Variants in MSRA observed in about 807,000 individuals in gnomAD.
The protein encoded by MSRA is methionine sulfoxide reductase A, also known as mitochondrial peptide methionine sulfoxide reductase.
A neutral mutation model predicts 31.3 loss-of-function variants in MSRA; 54 were observed. The ratio of observed to expected loss-of-function variants is 1.73; its 90% CI spans 1.39 to 2.17. The LOEUF is 2.17. MSRA is among the 30% of genes most tolerant of loss of function. MSRA has a pLI of 0.00. For missense variants in MSRA, 507 were observed against 300.9 expected (o/e 1.69, Z -5.07); for synonymous variants, 169 against 116.5 (o/e 1.45, Z -2.90).
intron 5 of MSRA, among the ~76,000 whole-genome samples, chr8:10,397,934 C>T (rs1290080568): frequency 1.3e-5 from 2 of 152,192 alleles, no homozygotes; most frequent in Non-Finnish European, 2.9e-5. Flanking sequence ...GGCCCCTCTT[C>T]CCTCTCTTGT....
intron 3 of MSRA, among the ~76,000 whole-genome samples, chr8:10,255,211 C>T (rs1798113996): frequency 1.3e-5 from 2 of 152,194 alleles, no homozygotes; most frequent in Admixed American, 1.3e-4. Context: ...GAAGGCCTTC[C>T]ACACCTCGCT....
intron 1 of MSRA, among the ~76,000 whole-genome samples, chr8:10,073,980 G>C (rs530700733): frequency 2.4e-4 from 35 of 147,490 alleles, no homozygotes; most frequent in African/African-American, 8.5e-4. Context: ...AGGGATCTAG[G>C]GGAGTGTTGC....
At chr8:10,426,660 C>T (rs948220964) in intron 5 of MSRA, among the ~76,000 whole-genome samples, 7 of 152,236 alleles carry the variant, frequency 4.6e-5, no homozygotes, top group African/African-American at 9.6e-5. Context: ...CTGTGCGGTA[C>T]GAGGGTGAGC....
chr8:10,207,578 C>T (rs1809108587), intron 1 of MSRA, among the ~76,000 whole-genome samples: 1 of 152,126 alleles, frequency 6.6e-6, no homozygotes, highest in South Asian at 2.1e-4. Context: ...GGTCTGTAGC[C>T]ACCCATTGTC....
intron 1 of MSRA, among the ~76,000 whole-genome samples, chr8:10,089,404 C>T (rs751402213): frequency 9.2e-5 from 14 of 152,114 alleles, no homozygotes; most frequent in Non-Finnish European, 1.9e-4. Flanking sequence ...TTTGAGGCCA[C>T]CAGTAAATCA....
At chr8:10,162,701 C>T (rs1295022914) in intron 1 of MSRA, among the ~76,000 whole-genome samples, 2 of 152,180 alleles carry the variant, frequency 1.3e-5, no homozygotes, top group East Asian at 1.9e-4. Flanking sequence ...AAGGGGAAAC[C>T]TGTAGCTCTG....
chr8:10,229,304 A>T (rs1340876207), intron 2 of MSRA, among the ~76,000 whole-genome samples: 1 of 152,242 alleles, frequency 6.6e-6, no homozygotes, highest in African/African-American at 2.4e-5. Flanking sequence ...TGGGTTCAGA[A>T]GTAGCCATTA....
At chr8:10,374,801 G>C (rs1180843482) in intron 5 of MSRA, among the ~76,000 whole-genome samples, 1 of 152,210 alleles carries the variant, frequency 6.6e-6, no homozygotes, top group Non-Finnish European at 1.5e-5. Context: ...GACCTCCGAT[G>C]TTGGAGATGG....
At chr8:10,101,431 A>G (rs1585147404) in intron 1 of MSRA, among the ~76,000 whole-genome samples, 1 of 152,210 alleles carries the variant, frequency 6.6e-6, no homozygotes. Flanking sequence ...GGTATCAGGT[A>G]CATTCACATT....
intron 3 of MSRA, among the ~76,000 whole-genome samples, chr8:10,271,989 T>C (rs369012510): frequency 7.2e-5 from 11 of 152,240 alleles, no homozygotes; most frequent in African/African-American, 2.7e-4. Flanking sequence ...ATTACAGGCG[T>C]GAGCCACTGT....
chr8:10,318,930 C>A (rs1234364945), intron 4 of MSRA, among the ~76,000 whole-genome samples: 6 of 152,180 alleles, frequency 3.9e-5, no homozygotes. Context: ...AGGCACCGCA[C>A]TGCTCCGCAG....
intron 1 of MSRA, among the ~76,000 whole-genome samples, chr8:10,201,739 C>A (rs547694350): frequency 8.8e-4 from 134 of 152,366 alleles, no homozygotes; most frequent in African/African-American, 3.1e-3. Context: ...TCCCCTTCAA[C>A]ATCCAGAAGT....
At chr8:10,323,810 G>C (rs1462392213) in intron 5 of MSRA, among the ~76,000 whole-genome samples, 1 of 150,038 alleles carries the variant, frequency 6.7e-6, no homozygotes. Flanking sequence ...GCATGTCTAT[G>C]TGTCTGTTTG....
chr8:10,245,065 A>G (rs760179763), intron 2 of MSRA, 39 bp from the exon 3 acceptor site: 85 of 1,602,574 alleles, frequency 5.3e-5, no homozygotes, highest in Non-Finnish European at 6.6e-5. Flanking sequence ...TTTGTTTTGA[A>G]TAATCAGTAT....
At chr8:10,257,808 C>G (rs1054577149) in intron 3 of MSRA, among the ~76,000 whole-genome samples, 3 of 152,172 alleles carry the variant, frequency 2.0e-5, no homozygotes, top group Non-Finnish European at 2.9e-5. Flanking sequence ...AGAATTCACT[C>G]TCTTACCTAG....
rs200024039 is a variant in MSRA, at chr8:10,352,014, G to A, written c.543+32025G>A. 2.2e-4 allele frequency among the ~76,000 whole-genome samples: 33 copies of A among 152,310 alleles called. No homozygotes were observed. The East Asian group carries it at 6.0e-3, about 28-fold the overall frequency. ...GTTATGACTTTAATGTTCCTTAGTC[G>A]AATCACTAAGATTTCTATATAAAAC... is the stretch of plus-strand genomic sequence containing the variant. On this transcript the variant is annotated intron_variant, in intron 5 of 5. Coordinates refer to ENST00000317173, the MANE Select transcript of MSRA (RefSeq NM_012331.5).
chr8:10,251,433 A>T (rs1797911216), intron 3 of MSRA, among the ~76,000 whole-genome samples: 1 of 152,164 alleles, frequency 6.6e-6, no homozygotes, highest in Admixed American at 6.5e-5. Flanking sequence ...AATGTCAGTC[A>T]AGGTAAATTA....
intron 2 of MSRA, among the ~76,000 whole-genome samples, chr8:10,211,848 C>T (rs1206715871): frequency 6.6e-6 from 1 of 152,094 alleles, no homozygotes; most frequent in African/African-American, 2.4e-5. Flanking sequence ...CCAGCCTCTG[C>T]AGAAGTGCTT....
chr8:10,421,536 C>G (rs970361141), intron 5 of MSRA, among the ~76,000 whole-genome samples: 1 of 151,940 alleles, frequency 6.6e-6, no homozygotes, highest in South Asian at 2.1e-4. Context: ...GGCTGAGACA[C>G]TCGGGCACTT....
Sources: allele counts gnomAD v4.1 joint callset (sites outside exome capture counted in the v4.1 genomes callset), GRCh38; gene constraint gnomAD v4.1.1; transcripts MANE v1.5; gene names NCBI Gene and HGNC (gene_info 2026-07-23, HGNC 2026-07-21).